Variants in PDE1A observed in about 807,000 individuals in gnomAD.
PDE1A encodes the protein dual specificity calcium/calmodulin-dependent 3',5'-cyclic nucleotide phosphodiesterase 1A.
In PDE1A, 35 loss-of-function variants were observed where a neutral mutation model predicts 61.7. The observed-to-expected ratio is 0.57, with a 90% CI of 0.43 to 0.75. The LOEUF (loss-of-function observed/expected upper bound fraction) is 0.75. Ranked by LOEUF, PDE1A falls within the 30% of genes least tolerant of loss-of-function variation. The pLI is 0.00. For synonymous variants in PDE1A, 232 were observed against 213.2 expected, an observed-to-expected ratio of 1.09 and a Z score of -0.77; for missense variants, 597 against 630.6, an observed-to-expected ratio of 0.95 and a Z score of 0.57.
intron 13 of PDE1A, among the ~76,000 whole-genome samples, chr2:182,169,916 A>ATG (rs1692001019): frequency 5.0e-5 from 6 of 121,090 alleles, no homozygotes; most frequent in South Asian, 2.7e-4. Context: ...ACACACACAC[A>ATG]CACACGCACA....
chr2:182,258,252 G>A (rs1345425383), intron 2 of PDE1A, among the ~76,000 whole-genome samples: 1 of 152,168 alleles, frequency 6.6e-6, no homozygotes, highest in Non-Finnish European at 1.5e-5. Context: ...GCTGATTTTA[G>A]CTTCAGTTTG....
chr2:182,463,335 AC>A (rs1390316833), intron 2 of PDE1A, among the ~76,000 whole-genome samples: 2 of 152,224 alleles, frequency 1.3e-5, no homozygotes, highest in East Asian at 1.9e-4. Context: ...AATTAAAAAA[AC>A]AAATATGTAT....
At chr2:182,552,927 C>T in the PDE1A span, among the ~76,000 whole-genome samples, 1 of 152,186 alleles carries the variant, frequency 6.6e-6, no homozygotes, top group Non-Finnish European at 1.5e-5. Context: ...TTGCCGCCCT[C>T]GCAGACCCGC....
chr2:182,577,990 A>AAGGG, the PDE1A span, among the ~76,000 whole-genome samples: 1,408 of 137,606 alleles, frequency 0.01, 89 homozygotes, highest in African/African-American at 0.038. Context: ...GGAAGGAAGG[A>AAGGG]AGGGACGGAG....
chr2:182,159,444 A>T (rs2125293833), intron 13 of PDE1A, among the ~76,000 whole-genome samples: 1 of 152,360 alleles, frequency 6.6e-6, no homozygotes, highest in Non-Finnish European at 1.5e-5. Flanking sequence ...AGGTTAATTA[A>T]GAATGGAAAG....
At chr2:182,701,278 G>A in the PDE1A span, among the ~76,000 whole-genome samples, 33 of 151,756 alleles carry the variant, frequency 2.2e-4, no homozygotes, top group Middle Eastern at 3.2e-3. Context: ...CTCGTGATCC[G>A]CCCGCCTTGG....
intron 13 of PDE1A, among the ~76,000 whole-genome samples, chr2:182,182,340 G>C (rs1363006181): frequency 6.6e-6 from 1 of 151,996 alleles, no homozygotes; most frequent in East Asian, 1.9e-4. Context: ...TGTATATCCA[G>C]AATCCAATCT....
At chr2:182,229,603 A>C (rs1360540141) in intron 6 of PDE1A, among the ~76,000 whole-genome samples, 2 of 152,176 alleles carry the variant, frequency 1.3e-5, no homozygotes, top group Admixed American at 6.5e-5. Flanking sequence ...GTGATTAGTA[A>C]TATGAGTAAG....
chr2:182,204,663 A>G (rs1016435180), intron 8 of PDE1A, among the ~76,000 whole-genome samples: 1 of 152,256 alleles, frequency 6.6e-6, no homozygotes, highest in African/African-American at 2.4e-5. Flanking sequence ...CAAATAACAT[A>G]CAAATTATGT....
the PDE1A span, among the ~76,000 whole-genome samples, chr2:182,543,904 G>A: frequency 6.6e-6 from 1 of 152,278 alleles, no homozygotes; most frequent in East Asian, 1.9e-4. Context: ...CTTCTAAAAT[G>A]AGAAGATGAT....
At chr2:182,433,743 G>A (rs1010605633) in intron 2 of PDE1A, among the ~76,000 whole-genome samples, 13 of 151,978 alleles carry the variant, frequency 8.6e-5, no homozygotes, top group African/African-American at 3.1e-4. Flanking sequence ...TCCACATTCT[G>A]CCTGATCCGG....
the PDE1A span, among the ~76,000 whole-genome samples, chr2:182,529,227 G>T: frequency 6.6e-6 from 1 of 152,370 alleles, no homozygotes; most frequent in East Asian, 1.9e-4. Context: ...AGCTGCCAAA[G>T]ACCATGGGAA....
chr2:182,376,976 A>G (rs909904819), intron 1 of PDE1A, among the ~76,000 whole-genome samples: 21 of 152,222 alleles, frequency 1.4e-4, no homozygotes, highest in African/African-American at 4.6e-4. Flanking sequence ...CATGATTCAA[A>G]TTATCTTCCA....
intron 6 of PDE1A, among the ~76,000 whole-genome samples, chr2:182,226,720 T>C (rs1038081734): frequency 6.7e-6 from 1 of 149,834 alleles, no homozygotes; most frequent in Non-Finnish European, 1.5e-5. Context: ...TGATTCCTAA[T>C]AGGCAGAAAT....
rs191238442 is a variant in PDE1A, at chr2:182,474,892, A to T, written c.101+47384T>A. ...TTTATGTAGAAAACTGGGCTAAGAC[A>T]TACAGAAATTAAAACTCCTCACAAA... On this transcript the variant is annotated intron_variant, in intron 2 of 14. Transcript: ENST00000410103. Among the ~76,000 whole-genome samples the T allele has an allele frequency of 7.9e-5, 12 of 152,056 alleles. No individual in the cohort carries two copies. The East Asian group carries it at 2.3e-3, about 30-fold the overall frequency.
intron 7 of PDE1A, among the ~76,000 whole-genome samples, chr2:182,220,261 G>A (rs1057334655): frequency 2.6e-5 from 4 of 151,996 alleles, no homozygotes; most frequent in Non-Finnish European, 5.9e-5. Context: ...GATAATTGAA[G>A]AGATGTTTCC....
Position 182,391,185 on chromosome 2 carries a change from G to T in PDE1A, c.53+35393C>A, listed in dbSNP as rs577007875. Among the ~76,000 whole-genome samples, 8 of 152,260 alleles carry T rather than the reference G, an allele frequency of 5.3e-5. No individual in the cohort carries two copies. The East Asian group carries it at 1.5e-3, about 29-fold the overall frequency. The stretch of plus-strand genomic sequence containing the variant: ...AAGTTGGTTCAGGTTGATATGGCCT[G>T]AAAGATATGGGCCATCTAAGGAGGG... On this transcript the variant is annotated intron_variant, in intron 1 of 13. Coordinates refer to ENST00000351439, the Ensembl canonical transcript of PDE1A.
At chr2:182,302,733 C>T (rs1364163180) in intron 1 of PDE1A, among the ~76,000 whole-genome samples, 1 of 152,202 alleles carries the variant, frequency 6.6e-6, no homozygotes, top group Non-Finnish European at 1.5e-5. Flanking sequence ...ATTTGACCCA[C>T]AGTACTTCTT....
the PDE1A span, among the ~76,000 whole-genome samples, chr2:182,668,935 TAACA>T: frequency 1.3e-5 from 2 of 152,206 alleles, no homozygotes; most frequent in African/African-American, 4.8e-5. Flanking sequence ...AGTATGAGCT[TAACA>T]AACAGGTTAC....
Sources: gnomAD v4.1 joint callset for allele counts (sites outside exome capture counted in the v4.1 genomes callset) on GRCh38, gnomAD v4.1.1 for gene constraint, MANE v1.5 for transcripts, NCBI Gene and HGNC (gene_info 2026-07-23, HGNC 2026-07-21) for gene names.